LRBA: variants seen among roughly 807,000 people sequenced by gnomAD.
LRBA encodes the protein lipopolysaccharide-responsive and beige-like anchor protein.
Under a neutral mutation model 330.0 loss-of-function variants are expected in LRBA, and 176 were observed. The ratio of observed to expected loss-of-function variants is 0.53; its 90% confidence interval spans 0.47 to 0.60. The LOEUF (loss-of-function observed/expected upper bound fraction) is 0.60, where lower values mean the gene tolerates loss of function less well. Ranked by LOEUF, LRBA falls within the 20% of genes least tolerant of loss-of-function variation. The pLI is 0.00. For missense variants in LRBA, 3,259 were observed against 3,444.8 expected, an observed-to-expected ratio of 0.95 and a Z score of 1.35; for synonymous variants, 1,230 against 1,193.0, an observed-to-expected ratio of 1.03 and a Z score of -0.64.
intron 36 of LRBA, among the ~76,000 whole-genome samples, chr4:150,716,683 T>C (rs1360757035): frequency 1.3e-5 from 2 of 152,142 alleles, no homozygotes; most frequent in South Asian, 4.1e-4. Flanking sequence ...AATTGAATAA[T>C]TTCTCATGAT....
intron 44 of LRBA, among the ~76,000 whole-genome samples, chr4:150,455,909 G>A (rs1282937190): frequency 6.6e-6 from 1 of 152,046 alleles, no homozygotes; most frequent in Admixed American, 6.6e-5. Context: ...ACAAGTAAGT[G>A]AGAACATGTG....
chr4:150,431,932 AG>A (rs1156974978), intron 46 of LRBA, among the ~76,000 whole-genome samples: 1 of 152,200 alleles, frequency 6.6e-6, no homozygotes, highest in East Asian at 1.9e-4. Flanking sequence ...GTGTAAAAAA[AG>A]GTCTCTTCTT....
intron 34 of LRBA, among the ~76,000 whole-genome samples, chr4:150,786,537 C>A (rs1247993039): frequency 6.6e-6 from 1 of 152,136 alleles, no homozygotes; most frequent in Non-Finnish European, 1.5e-5. Flanking sequence ...AGCCACTGCT[C>A]CTGGCCTAGA....
At chr4:150,496,175 T>G (rs1287124343) in intron 40 of LRBA, among the ~76,000 whole-genome samples, 1 of 152,142 alleles carries the variant, frequency 6.6e-6, no homozygotes, top group Non-Finnish European at 1.5e-5. Flanking sequence ...AAATAATGCA[T>G]GTATTTCTTC....
intron 37 of LRBA, among the ~76,000 whole-genome samples, chr4:150,678,530 C>G (rs996123067): frequency 6.6e-6 from 1 of 152,130 alleles, no homozygotes; most frequent in Non-Finnish European, 1.5e-5. Flanking sequence ...AAACTAAACA[C>G]TAAGTCATGC....
intron 2 of LRBA, among the ~76,000 whole-genome samples, chr4:150,973,140 T>TTGCC (rs573052223): frequency 8.2e-6 from 1 of 121,298 alleles, no homozygotes; most frequent in Non-Finnish European, 1.9e-5. Flanking sequence ...ATTAAATATT[T>TTGCC]TGTCTGTCTG....
intron 44 of LRBA, among the ~76,000 whole-genome samples, chr4:150,442,732 G>A (rs1751998165): frequency 6.6e-6 from 1 of 152,130 alleles, no homozygotes; most frequent in South Asian, 2.1e-4. Context: ...TGAACTCAAT[G>A]TTCTTCTATG....
At chr4:150,539,071 G>A (rs1025311642) in intron 40 of LRBA, among the ~76,000 whole-genome samples, 7 of 152,016 alleles carry the variant, frequency 4.6e-5, no homozygotes, top group Admixed American at 4.6e-4. Context: ...TGCCTCCTGG[G>A]TTCAAGCAAT....
rs888698336 is a variant in LRBA, at chr4:150,837,669, T to G, written c.4570-5693A>C. ...GTAGATCTTCCTCCATCTCTTTATT[T>G]TCAGCCTATGTGTGTCTCTGCATGT... On this transcript the variant is annotated intron_variant, in intron 28 of 56. Transcript: ENST00000651943. Among the ~76,000 whole-genome samples the G allele has an allele frequency of 7.9e-5, 12 of 152,226 alleles. 1 individual carries two copies. Among genetic ancestry groups the G allele is most frequent in the African/African-American group, 2.9e-4 (12 of 41,450 alleles).
At chr4:150,739,931 C>A (rs539503854) in intron 35 of LRBA, among the ~76,000 whole-genome samples, 2 of 152,206 alleles carry the variant, frequency 1.3e-5, no homozygotes, top group South Asian at 4.2e-4. Flanking sequence ...TGTAAGTGAA[C>A]CTGAAGGAGA....
chr4:150,503,003 G>C (rs1258786109), intron 40 of LRBA, among the ~76,000 whole-genome samples: 1 of 152,232 alleles, frequency 6.6e-6, no homozygotes, highest in Admixed American at 6.5e-5. Flanking sequence ...CGAGGCTGGG[G>C]GAGGGGTGCC....
intron 2 of LRBA, among the ~76,000 whole-genome samples, chr4:150,996,936 G>A (rs955656613): frequency 6.6e-6 from 1 of 152,070 alleles, no homozygotes; most frequent in African/African-American, 2.4e-5. Flanking sequence ...AAATAATCCC[G>A]TAAAACACTT....
chr4:150,605,377 C>T (rs1159512778), intron 37 of LRBA, among the ~76,000 whole-genome samples: 2 of 152,120 alleles, frequency 1.3e-5, no homozygotes, highest in Non-Finnish European at 2.9e-5. Context: ...TCCATCTCGC[C>T]CACTTTGCTT....
intron 38 of LRBA, among the ~76,000 whole-genome samples, chr4:150,592,847 G>A (rs1773060544): frequency 6.6e-6 from 1 of 151,844 alleles, no homozygotes; most frequent in African/African-American, 2.4e-5. Flanking sequence ...TGCCCAGGCT[G>A]ATCTCTAACT....
intron 2 of LRBA, among the ~76,000 whole-genome samples, chr4:150,940,695 TACC>T (rs1735575512): frequency 6.6e-6 from 1 of 152,160 alleles, no homozygotes; most frequent in Admixed American, 6.5e-5. Context: ...GTGTTTCAGT[TACC>T]ACATTCTTTA....
At chr4:150,327,720 T>C (rs1410913309) in intron 48 of LRBA, among the ~76,000 whole-genome samples, 4 of 152,216 alleles carry the variant, frequency 2.6e-5, no homozygotes, top group Non-Finnish European at 5.9e-5. Context: ...AGATAATGCA[T>C]ATAAAGTGCT....
At chr4:150,837,079 C>T (rs375765560) in intron 28 of LRBA, among the ~76,000 whole-genome samples, 5 of 152,194 alleles carry the variant, frequency 3.3e-5, no homozygotes, top group Non-Finnish European at 2.9e-5. Flanking sequence ...GAGCAGGTTG[C>T]TCAGTTTCCA....
At chr4:150,819,265 T>TG (rs1025236053) in intron 30 of LRBA, among the ~76,000 whole-genome samples, 1 of 151,616 alleles carries the variant, frequency 6.6e-6, no homozygotes, top group Admixed American at 6.6e-5. Flanking sequence ...TAATTGCCTC[T>TG]GGGGGATAGG....
chr4:150,786,472 G>A (rs941987954), intron 34 of LRBA, among the ~76,000 whole-genome samples: 3 of 152,004 alleles, frequency 2.0e-5, no homozygotes, highest in Non-Finnish European at 1.5e-5. Context: ...TCAAACTCCT[G>A]ACCTCAGATG....
Sources: gnomAD v4.1 joint callset for allele counts (sites outside exome capture counted in the v4.1 genomes callset) on GRCh38, gnomAD v4.1.1 for gene constraint, MANE v1.5 for transcripts, NCBI Gene and HGNC (gene_info 2026-07-23, HGNC 2026-07-21) for gene names.